The following MACROD2 variants were observed in gnomAD, a reference collection of about 807,000 sequenced individuals.
MACROD2 encodes the protein mono-ADP ribosylhydrolase 2.
In MACROD2, 36 loss-of-function variants were observed where a neutral mutation model predicts 70.4. That is an observed-to-expected ratio of 0.51 (90% CI 0.39 to 0.68). MACROD2 has a LOEUF of 0.68. Among genes scored for constraint, MACROD2 ranks in the 30% least tolerant of loss-of-function variants. The pLI is 0.00. For missense variants in MACROD2, 496 were observed against 538.4 expected, an observed-to-expected ratio of 0.92 and a Z score of 0.78; for synonymous variants, 172 against 178.8, an observed-to-expected ratio of 0.96 and a Z score of 0.30.
intron 5 of MACROD2, among the ~76,000 whole-genome samples, chr20:15,189,267 A>C (rs2076554081): frequency 6.6e-6 from 1 of 151,796 alleles, no homozygotes; most frequent in Non-Finnish European, 1.5e-5. Context: ...TTCCATGACC[A>C]ACATAGTGCT....
rs577000199 is a variant in MACROD2, at chr20:15,857,373, A to C, written c.646-5372A>C. Among the ~76,000 whole-genome samples the C allele has an allele frequency of 2.0e-5, 3 of 152,334 alleles. No individual in the cohort carries two copies. In the South Asian group the frequency reaches 6.2e-4, roughly 32 times the overall value. ...GTCACAAGGGAAAACTGGAATCCAC[A>C]GAGATCCACAGGCCCATATATCTGT... On this transcript the variant is annotated intron_variant, in intron 8 of 17. Transcript: ENST00000684519.
At chr20:14,267,745 ATCTT>A (rs1366984547) in intron 3 of MACROD2, among the ~76,000 whole-genome samples, 1 of 152,092 alleles carries the variant, frequency 6.6e-6, no homozygotes, top group Non-Finnish European at 1.5e-5. Context: ...AGAGACAAAA[ATCTT>A]TCTCAGTAAG....
chr20:14,033,614 A>C (rs2053272108), intron 2 of MACROD2, among the ~76,000 whole-genome samples: 1 of 152,214 alleles, frequency 6.6e-6, no homozygotes, highest in African/African-American at 2.4e-5. Flanking sequence ...AACGTGATAC[A>C]TGCACATGGA....
At chr20:14,570,455 T>G (rs1269374436) in intron 4 of MACROD2, among the ~76,000 whole-genome samples, 1 of 151,884 alleles carries the variant, frequency 6.6e-6, no homozygotes, top group Non-Finnish European at 1.5e-5. Context: ...TTTGTACAAT[T>G]TGCTGTGTGT....
chr20:15,708,498 A>T (rs1389930363), intron 8 of MACROD2, among the ~76,000 whole-genome samples: 1 of 152,120 alleles, frequency 6.6e-6, no homozygotes, highest in African/African-American at 2.4e-5. Context: ...AACAGCAAGG[A>T]AGTCAGGGAG....
At chr20:14,071,586 A>G (rs1221926401) in intron 2 of MACROD2, among the ~76,000 whole-genome samples, 1 of 152,010 alleles carries the variant, frequency 6.6e-6, no homozygotes, top group East Asian at 1.9e-4. Flanking sequence ...ATTAAAATTG[A>G]GTTAACAGAG....
chr20:15,464,039 G>T (rs2046853381), intron 7 of MACROD2, among the ~76,000 whole-genome samples: 1 of 152,134 alleles, frequency 6.6e-6, no homozygotes, highest in Non-Finnish European at 1.5e-5. Context: ...CACATAGCTT[G>T]TAGTTTTTGT....
At chr20:15,913,452 C>T (rs1196518340) in intron 10 of MACROD2, among the ~76,000 whole-genome samples, 1 of 152,136 alleles carries the variant, frequency 6.6e-6, no homozygotes, top group African/African-American at 2.4e-5. Flanking sequence ...CTGTTGCTAT[C>T]CCTTCAGTAA....
intron 5 of MACROD2, among the ~76,000 whole-genome samples, chr20:14,737,417 T>C (rs1481363414): frequency 1.3e-5 from 2 of 152,198 alleles, no homozygotes; most frequent in Admixed American, 1.3e-4. Context: ...TAAACATACA[T>C]GTGCATGTGT....
intron 5 of MACROD2, among the ~76,000 whole-genome samples, chr20:14,746,308 A>G (rs1316060720): frequency 1.3e-5 from 2 of 152,176 alleles, no homozygotes. Context: ...ATTCTCCTTC[A>G]GAGGAGCTGA....
At chr20:14,102,758 T>A (rs973550060) in intron 3 of MACROD2, among the ~76,000 whole-genome samples, 2 of 152,100 alleles carry the variant, frequency 1.3e-5, no homozygotes, top group Non-Finnish European at 2.9e-5. Context: ...GGATGGGGAT[T>A]GGGATATAGG....
At chr20:15,447,051 CGTGT>C (rs57914856) in intron 7 of MACROD2, among the ~76,000 whole-genome samples, 15,806 of 146,490 alleles carry the variant, frequency 0.11, 969 homozygotes, top group South Asian at 0.26. Flanking sequence ...TAAGAGTGTG[CGTGT>C]GTGTGTGTGT....
At chr20:14,201,941 T>TG (rs1156536297) in intron 3 of MACROD2, among the ~76,000 whole-genome samples, 3 of 151,820 alleles carry the variant, frequency 2.0e-5, no homozygotes, top group African/African-American at 7.3e-5. Flanking sequence ...ATAATATATA[T>TG]TGCTAATAAT....
chr20:15,918,192 A>G (rs1226283275), intron 10 of MACROD2, among the ~76,000 whole-genome samples: 1 of 152,210 alleles, frequency 6.6e-6, no homozygotes, highest in African/African-American at 2.4e-5. Context: ...AACTGACCAA[A>G]AAATCATAAT....
chr20:15,811,314 G>A lies in MACROD2; in HGVS notation c.646-51431G>A, dbSNP rs545971337. Among the ~76,000 whole-genome samples the A allele has an allele frequency of 4.0e-4, 60 of 151,744 alleles. 1 individual carries two copies. In the South Asian group the frequency reaches 0.012, roughly 31 times the overall value. On this transcript the variant is annotated intron_variant, in intron 8 of 17. Transcript: ENST00000684519. ...ACACTTCTCAAAAGAAGACATTTAT[G>A]CAGCCAAAAAACACATGAAAAAATG... is the stretch of plus-strand genomic sequence containing the variant.
intron 3 of MACROD2, among the ~76,000 whole-genome samples, chr20:14,335,713 T>C (rs570679376): frequency 3.9e-5 from 6 of 152,274 alleles, no homozygotes; most frequent in African/African-American, 1.2e-4. Flanking sequence ...ATGAATTCAT[T>C]ATGTTTATTC....
At chr20:15,578,275 T>C (rs1360536833) in intron 8 of MACROD2, among the ~76,000 whole-genome samples, 2 of 152,246 alleles carry the variant, frequency 1.3e-5, no homozygotes. Flanking sequence ...TGTGATATTC[T>C]GCATGGGTGG....
At chr20:14,382,292 C>G (rs2083429386) in intron 3 of MACROD2, among the ~76,000 whole-genome samples, 1 of 151,390 alleles carries the variant, frequency 6.6e-6, no homozygotes, top group African/African-American at 2.4e-5. Context: ...GAGCTCCTGA[C>G]CTTGTGATCC....
chr20:15,796,452 G>A (rs1157408521), intron 8 of MACROD2, among the ~76,000 whole-genome samples: 1 of 152,072 alleles, frequency 6.6e-6, no homozygotes, highest in Non-Finnish European at 1.5e-5. Flanking sequence ...CAAAACCTTT[G>A]CACGTAACAA....
Sources: gnomAD v4.1 joint callset for allele counts (sites outside exome capture counted in the v4.1 genomes callset) on GRCh38, gnomAD v4.1.1 for gene constraint, MANE v1.5 for transcripts, NCBI Gene and HGNC (gene_info 2026-07-23, HGNC 2026-07-21) for gene names.